TMEM132D: variants seen among roughly 807,000 people sequenced by gnomAD.
TMEM132D encodes transmembrane protein 132D.
In TMEM132D, 21 loss-of-function variants were observed where a neutral mutation model predicts 62.3. The observed-to-expected ratio is 0.34, with a 90% CI of 0.24 to 0.49. The LOEUF (loss-of-function observed/expected upper bound fraction) is 0.49, where lower values mean the gene tolerates loss of function less well. TMEM132D is among the 20% of genes least tolerant of loss of function. TMEM132D has a pLI of 0.99. For synonymous variants in TMEM132D, 621 were observed against 575.6 expected (o/e 1.08, Z -1.13); for missense variants, 1,346 against 1,402.8 (o/e 0.96, Z 0.65).
At chr12:129,158,928 A>G (rs753336535) in intron 5 of TMEM132D, among the ~76,000 whole-genome samples, 2 of 152,142 alleles carry the variant, frequency 1.3e-5, no homozygotes, top group Non-Finnish European at 2.9e-5. Context: ...AGGAGAGAGG[A>G]AGCAAGGGAA....
intron 5 of TMEM132D, among the ~76,000 whole-genome samples, chr12:129,105,348 A>G (rs1356750675): frequency 1.4e-5 from 2 of 138,880 alleles, no homozygotes; most frequent in African/African-American, 2.8e-5. Context: ...AACAATGAGA[A>G]CACATGGACA....
rs1385654290 is a variant in TMEM132D, at chr12:129,343,445, A to G, written c.1116-5628T>C. ...CTGTTGTGGGGTGGGGGGATGGGGG[A>G]GGGATAGCATTAGGAGATATACCTA... On this transcript the variant is annotated intron_variant, in intron 3 of 8. Coordinates refer to ENST00000422113, the MANE Select transcript of TMEM132D (RefSeq NM_133448.3). Among the ~76,000 whole-genome samples the G allele has an allele frequency of 1.1e-3, 171 of 150,294 alleles. 1 individual carries two copies. The highest frequency in any genetic ancestry group is 4.1e-3 in the African/African-American group (163 of 40,044).
intron 5 of TMEM132D, among the ~76,000 whole-genome samples, chr12:129,163,035 G>A (rs977220081): frequency 3.3e-5 from 5 of 152,156 alleles, no homozygotes; most frequent in East Asian, 1.9e-4. Context: ...GGGAACCTCC[G>A]ACACCACGTC....
chr12:129,267,053 A>T (rs568670248), intron 4 of TMEM132D, among the ~76,000 whole-genome samples: 36 of 152,204 alleles, frequency 2.4e-4, no homozygotes, highest in Admixed American at 3.9e-4. Flanking sequence ...CCCACAATCA[A>T]GCCCCTTCCT....
At chr12:129,646,801 T>C (rs1371725754) in intron 2 of TMEM132D, among the ~76,000 whole-genome samples, 56 of 9,614 alleles carry the variant, frequency 5.8e-3, no homozygotes, top group Admixed American at 8.3e-3. Context: ...ATAACATGCA[T>C]TTTTTTTTTT....
At chr12:129,730,866 C>T (rs891024767) in intron 1 of TMEM132D, among the ~76,000 whole-genome samples, 4 of 151,946 alleles carry the variant, frequency 2.6e-5, no homozygotes, top group African/African-American at 9.7e-5. Flanking sequence ...GGCTCTCGGA[C>T]CTTCAACCAC....
chr12:129,383,193 A>G (rs1871003546), intron 3 of TMEM132D, among the ~76,000 whole-genome samples: 2 of 152,178 alleles, frequency 1.3e-5, no homozygotes, highest in Admixed American at 1.3e-4. Context: ...CTCTCTCCAC[A>G]TGCAACCTAC....
intron 2 of TMEM132D, 57 bp from the exon 3 acceptor site, chr12:129,531,262 C>T: frequency 6.5e-7 from 1 of 1,531,818 alleles, no homozygotes; most frequent in Non-Finnish European, 8.8e-7. Context: ...CCGGGTCATG[C>T]TGGTTCTGGG....
At chr12:129,729,918 G>T (rs928735825) in intron 1 of TMEM132D, among the ~76,000 whole-genome samples, 4 of 152,112 alleles carry the variant, frequency 2.6e-5, no homozygotes, top group African/African-American at 4.8e-5. Context: ...AATGTACTTT[G>T]TGATATTCCC....
intron 4 of TMEM132D, among the ~76,000 whole-genome samples, chr12:129,336,122 G>A (rs1373536472): frequency 1.3e-5 from 2 of 152,232 alleles, no homozygotes; most frequent in African/African-American, 4.8e-5. Context: ...TTACATGAAA[G>A]AAGAAATCTG....
At chr12:129,393,585 C>A (rs1871346776) in intron 3 of TMEM132D, among the ~76,000 whole-genome samples, 1 of 152,154 alleles carries the variant, frequency 6.6e-6, no homozygotes, top group Admixed American at 6.5e-5. Flanking sequence ...CACATAATTG[C>A]CTTAGGCTGC....
At chr12:129,811,199 T>G (rs1039323817) in intron 1 of TMEM132D, among the ~76,000 whole-genome samples, 2 of 151,426 alleles carry the variant, frequency 1.3e-5, no homozygotes, top group African/African-American at 4.8e-5. Flanking sequence ...TGGATTTATG[T>G]AAAAATGTAC....
chr12:129,316,607 G>C (rs1234541937), intron 4 of TMEM132D, among the ~76,000 whole-genome samples: 1 of 152,152 alleles, frequency 6.6e-6, no homozygotes, highest in East Asian at 1.9e-4. Context: ...CTGTTGAATA[G>C]AACGTGTTTT....
intron 3 of TMEM132D, among the ~76,000 whole-genome samples, chr12:129,380,783 C>T (rs1413429318): frequency 2.0e-5 from 3 of 152,070 alleles, no homozygotes; most frequent in African/African-American, 7.2e-5. Context: ...AAAACTCCAC[C>T]CCATTTCAAA....
At chr12:129,172,550 A>C (rs114739707) in intron 5 of TMEM132D, among the ~76,000 whole-genome samples, 2,697 of 152,266 alleles carry the variant, frequency 0.018, 88 homozygotes, top group African/African-American at 0.061. Context: ...TCATTTGAAC[A>C]CTTAGAGGCC....
chr12:129,831,876 C>CTTTTCT (rs1555234624), intron 1 of TMEM132D, among the ~76,000 whole-genome samples: 2 of 134,898 alleles, frequency 1.5e-5, no homozygotes, highest in African/African-American at 2.8e-5. Flanking sequence ...CTTTCTTTTT[C>CTTTTCT]TTTTTTTTTT....
intron 1 of TMEM132D, among the ~76,000 whole-genome samples, chr12:129,875,319 T>G (rs1430644718): frequency 6.6e-6 from 1 of 152,204 alleles, no homozygotes. Context: ...GTGCCTCAGG[T>G]GCTATCTGTT....
At chr12:129,355,489 A>G (rs544978716) in intron 3 of TMEM132D, among the ~76,000 whole-genome samples, 20 of 152,164 alleles carry the variant, frequency 1.3e-4, no homozygotes, top group Non-Finnish European at 2.4e-4. Flanking sequence ...TCCAGATGGT[A>G]CTCTAAAGCA....
At chr12:129,839,937 G>A (rs1358550762) in intron 1 of TMEM132D, 1 of 150,426 alleles carries the variant, frequency 6.6e-6, no homozygotes. Context: ...ATTCACACAG[G>A]GTTCATGCAG....
Sources: allele counts gnomAD v4.1 joint callset (sites outside exome capture counted in the v4.1 genomes callset), GRCh38; gene constraint gnomAD v4.1.1; transcripts MANE v1.5; gene names NCBI Gene and HGNC (gene_info 2026-07-23, HGNC 2026-07-21).